The following PTPRD variants were observed in gnomAD, a reference collection of about 807,000 sequenced individuals.
PTPRD encodes the protein protein tyrosine phosphatase receptor type D, also known as receptor-type tyrosine-protein phosphatase delta.
Under a neutral mutation model 214.5 loss-of-function variants are expected in PTPRD, and 34 were observed. The ratio of observed to expected loss-of-function variants is 0.16; its 90% CI spans 0.12 to 0.21. The LOEUF is 0.21. PTPRD is among the 10% of genes least tolerant of loss of function. The probability of loss-of-function intolerance (pLI) is 1.00; values close to 1 mark genes in which losing one functional copy is unlikely to be tolerated. For synonymous variants in PTPRD, 1,128 were observed against 845.7 expected (o/e 1.33, Z -5.79); for missense variants, 2,545 against 2,398.7 (o/e 1.06, Z -1.27).
intron 11 of PTPRD, among the ~76,000 whole-genome samples, chr9:8,760,510 T>C (rs576061108): frequency 1.1e-4 from 17 of 152,222 alleles, no homozygotes; most frequent in Admixed American, 8.5e-4. Flanking sequence ...TTCTATTTCC[T>C]CAAAATTTTT....
intron 3 of PTPRD, among the ~76,000 whole-genome samples, chr9:10,080,751 G>C (rs1451793115): frequency 6.6e-6 from 1 of 152,008 alleles, no homozygotes; most frequent in African/African-American, 2.4e-5. Flanking sequence ...TAGCTAGGGA[G>C]GCAAAGAGAA....
At chr9:9,701,473 A>C (rs1273521917) in intron 7 of PTPRD, among the ~76,000 whole-genome samples, 1 of 152,174 alleles carries the variant, frequency 6.6e-6, no homozygotes, top group African/African-American at 2.4e-5. Flanking sequence ...AAGAGTTAGT[A>C]CTCAAAGGTT....
chr9:9,203,768 T>C (rs909506046), intron 9 of PTPRD, among the ~76,000 whole-genome samples: 5 of 152,172 alleles, frequency 3.3e-5, no homozygotes, highest in Non-Finnish European at 7.4e-5. Context: ...TTTTATGGAC[T>C]CAGACAAACA....
chr9:10,019,951 T>C (rs1018402055), intron 4 of PTPRD, among the ~76,000 whole-genome samples: 4 of 152,040 alleles, frequency 2.6e-5, no homozygotes, highest in Non-Finnish European at 4.4e-5. Context: ...AGTGCTTTCT[T>C]AGTGGCATTG....
chr9:10,034,956 G>C (rs1335497698), intron 3 of PTPRD, among the ~76,000 whole-genome samples: 14 of 151,930 alleles, frequency 9.2e-5, no homozygotes, highest in Admixed American at 9.2e-4. Flanking sequence ...AGGATTGCTA[G>C]TAATAGGATT....
intron 34 of PTPRD, 43 bp downstream of exon 34, chr9:8,449,682 C>T (rs1434387863): frequency 6.4e-7 from 1 of 1,570,736 alleles, no homozygotes; most frequent in Admixed American, 1.7e-5. Flanking sequence ...TGTACAACTT[C>T]TGGGAAAGAC....
At chr9:10,207,085 G>A (rs1329568685) in intron 3 of PTPRD, among the ~76,000 whole-genome samples, 1 of 152,094 alleles carries the variant, frequency 6.6e-6, no homozygotes, top group Non-Finnish European at 1.5e-5. Flanking sequence ...CTCTATATGT[G>A]TATAATTATC....
At chr9:9,327,218 A>G (rs1270622564) in intron 9 of PTPRD, among the ~76,000 whole-genome samples, 2 of 152,172 alleles carry the variant, frequency 1.3e-5, no homozygotes, top group Non-Finnish European at 2.9e-5. Context: ...AAGAAATCCC[A>G]TATGTAAACA....
chr9:8,749,679 A>T (rs933980916), intron 11 of PTPRD, among the ~76,000 whole-genome samples: 1 of 152,238 alleles, frequency 6.6e-6, no homozygotes, highest in African/African-American at 2.4e-5. Flanking sequence ...TCTACATTAA[A>T]GTAGAATAAC....
Position 9,672,048 on chromosome 9 carries a change from A to G in PTPRD, c.-287+62485T>C, listed in dbSNP as rs188173119. Among the ~76,000 whole-genome samples, 919 of 152,332 alleles carry G rather than the reference A, an allele frequency of 6.0e-3. 4 individuals are homozygous for G. The highest frequency in any genetic ancestry group is 8.1e-3 in the Non-Finnish European group (549 of 68,030). On this transcript the variant is annotated intron_variant, in intron 7 of 45. Transcript: ENST00000381196. ...CATTTGAGAGAATGAGGCAACCTTTATAGTCACTGTATCTGCTGTGAGAAA... is the reference window on the plus strand; with the variant it reads ...CATTTGAGAGAATGAGGCAACCTTTGTAGTCACTGTATCTGCTGTGAGAAA...
intron 37 of PTPRD, among the ~76,000 whole-genome samples, chr9:8,377,848 A>G (rs1334948658): frequency 6.6e-6 from 1 of 152,100 alleles, no homozygotes; most frequent in African/African-American, 2.4e-5. Context: ...TAATATGAGT[A>G]TTTGTAACAT....
chr9:9,863,169 C>G (rs911096033), intron 5 of PTPRD, among the ~76,000 whole-genome samples: 1 of 152,090 alleles, frequency 6.6e-6, no homozygotes, highest in Non-Finnish European at 1.5e-5. Flanking sequence ...AAGCTGACAA[C>G]AGTCCACAGA....
At chr9:9,093,266 G>C (rs765168339) in intron 10 of PTPRD, among the ~76,000 whole-genome samples, 1 of 151,954 alleles carries the variant, frequency 6.6e-6, no homozygotes, top group South Asian at 2.1e-4. Context: ...CTCAGCAATT[G>C]ATAAAACAAT....
chr9:8,811,449 T>C (rs1259873720), intron 11 of PTPRD, among the ~76,000 whole-genome samples: 4 of 152,194 alleles, frequency 2.6e-5, no homozygotes, highest in African/African-American at 7.2e-5. Flanking sequence ...AAAAGGCCCA[T>C]CAGTGTTTGT....
intron 10 of PTPRD, among the ~76,000 whole-genome samples, chr9:9,166,308 GA>G (rs1422258624): frequency 6.6e-6 from 1 of 152,010 alleles, no homozygotes; most frequent in Non-Finnish European, 1.5e-5. Context: ...GGACTTGGTG[GA>G]TGTCCAAAAC....
At chr9:9,543,778 G>C (rs1040997094) in intron 8 of PTPRD, among the ~76,000 whole-genome samples, 3 of 151,700 alleles carry the variant, frequency 2.0e-5, no homozygotes, top group African/African-American at 7.2e-5. Context: ...CTATACTATA[G>C]TGTTGCACAC....
intron 10 of PTPRD, among the ~76,000 whole-genome samples, chr9:9,163,528 G>C (rs151173294): frequency 1.8e-4 from 27 of 151,500 alleles, no homozygotes; most frequent in African/African-American, 6.1e-4. Flanking sequence ...CCAATACTAT[G>C]TATTTTTTCT....
intron 9 of PTPRD, among the ~76,000 whole-genome samples, chr9:9,274,273 C>T (rs911116694): frequency 2.6e-5 from 4 of 151,290 alleles, no homozygotes; most frequent in African/African-American, 9.7e-5. Flanking sequence ...TCACATGTGA[C>T]TTTCTCCGTT....
At chr9:8,479,195 C>T (rs2096830014) in intron 30 of PTPRD, among the ~76,000 whole-genome samples, 8 of 152,306 alleles carry the variant, frequency 5.3e-5, no homozygotes, top group Admixed American at 3.3e-4. Context: ...GTCTAGAAAA[C>T]AGGAGTAGTA....
Sources: allele counts gnomAD v4.1 joint callset (sites outside exome capture counted in the v4.1 genomes callset), GRCh38; gene constraint gnomAD v4.1.1; transcripts MANE v1.5; gene names NCBI Gene and HGNC (gene_info 2026-07-23, HGNC 2026-07-21).